The following SEC14L1 variants were observed in gnomAD, a reference collection of about 807,000 sequenced individuals.
SEC14L1 encodes the protein SEC14 like lipid binding 1, also known as SEC14-like protein 1.
Under a neutral mutation model 85.3 loss-of-function variants are expected in SEC14L1, and 48 were observed. That is an observed-to-expected ratio of 0.56 (90% CI 0.45 to 0.72). The LOEUF (loss-of-function observed/expected upper bound fraction) is 0.72. Ranked by LOEUF, SEC14L1 falls within the 30% of genes least tolerant of loss-of-function variation. SEC14L1 has a pLI of 0.00. For synonymous variants in SEC14L1, 391 were observed against 355.5 expected (o/e 1.10, Z -1.12); for missense variants, 682 against 921.4 (o/e 0.74, Z 3.36).
intron 3 of SEC14L1, among the ~76,000 whole-genome samples, chr17:77,135,717 G>T (rs1026193429): frequency 4.0e-5 from 6 of 151,800 alleles, no homozygotes; most frequent in South Asian, 4.2e-4. Context: ...TTTAAAAATT[G>T]TTTGTAGAGA....
At chr17:77,124,296 C>T (rs970190601) in intron 3 of SEC14L1, among the ~76,000 whole-genome samples, 3 of 152,126 alleles carry the variant, frequency 2.0e-5, no homozygotes, top group African/African-American at 7.2e-5. Flanking sequence ...CCCAGGAGGT[C>T]GCGTCTGCAG....
chr17:77,146,024 T>G (rs1367147642), intron 3 of SEC14L1, among the ~76,000 whole-genome samples: 1 of 152,216 alleles, frequency 6.6e-6, no homozygotes, highest in East Asian at 1.9e-4. Context: ...CCTGTCACAT[T>G]TCATAGTTCA....
rs959864756 is a variant in SEC14L1 at position 77,216,707 on chromosome 17, A to G, written c.*2684A>G. 46 of 1,449,190 alleles carry G rather than the reference A, an allele frequency of 3.2e-5. No individual in the cohort carries two copies. The highest frequency in any genetic ancestry group is 4.4e-5 in the Non-Finnish European group (46 of 1,048,088). 89.8% of individuals were successfully genotyped at this position (1,449,190 alleles called of 1,614,324 possible). On this transcript the variant is annotated 3_prime_UTR_variant, in exon 17 of 17. Coordinates refer to ENST00000436233, the MANE Select transcript of SEC14L1 (RefSeq NM_001143998.2). The stretch of plus-strand genomic sequence containing the variant: ...GTTGATTCGGGAGTGGCATTCTTTT[A>G]TACCCAAAGACTGTAGTGCATCTTG...
chr17:77,142,874 AG>A (rs1312801099), intron 2 of SEC14L1, 124 bp downstream of exon 2: 1 of 152,244 alleles, frequency 6.6e-6, no homozygotes, highest in Admixed American at 6.5e-5. Context: ...ACCCATAAGG[AG>A]GGCTCCTTGA....
At chr17:77,141,507 G>C (rs1973042333) in intron 1 of SEC14L1, 1 of 151,906 alleles carries the variant, frequency 6.6e-6, no homozygotes, top group African/African-American at 2.4e-5. Context: ...CCCGGGCGCC[G>C]GCCGCCCCTC....
rs12942219 is a variant in SEC14L1 at position 77,215,526 on chromosome 17, G to C, written c.*1503G>C. 1.0e-6 allele frequency: 1 copy of C among 986,228 alleles called. No individual in the cohort carries two copies. 61.1% of individuals were successfully genotyped at this position (986,228 alleles called of 1,614,324 possible). Reference sequence around the variant, plus strand: ...GTGGAGGCCATGTGTGCCCCGTGCAGGGATCAGGAGGGCGGGGGAGGGACC... The same window carrying C: ...GTGGAGGCCATGTGTGCCCCGTGCACGGATCAGGAGGGCGGGGGAGGGACC... On this transcript the variant is annotated 3_prime_UTR_variant, in exon 17 of 17. Transcript: ENST00000436233.
intron 3 of SEC14L1, among the ~76,000 whole-genome samples, chr17:77,103,428 GTTGTTGTTTTTTTT>G (rs1348050060): frequency 2.7e-5 from 4 of 150,148 alleles, no homozygotes; most frequent in East Asian, 3.9e-4. Context: ...TTTCTTTTTT[GTTGTTGTTTTTTTT>G]TTGTTGTTGT....
At chr17:77,161,077 G>T (rs1198161981) in intron 3 of SEC14L1, among the ~76,000 whole-genome samples, 1 of 152,120 alleles carries the variant, frequency 6.6e-6, no homozygotes, top group Non-Finnish European at 1.5e-5. Context: ...AGGGGAAATT[G>T]GTCTTCAACA....
chr17:77,181,960 A>C (rs979933410), intron 3 of SEC14L1, among the ~76,000 whole-genome samples: 2 of 151,824 alleles, frequency 1.3e-5, no homozygotes, highest in African/African-American at 4.8e-5. Context: ...TGATATGTTG[A>C]ATACTTGTTT....
chr17:77,169,645 G>A (rs1291975281), intron 3 of SEC14L1, among the ~76,000 whole-genome samples: 1 of 152,190 alleles, frequency 6.6e-6, no homozygotes, highest in Non-Finnish European at 1.5e-5. Flanking sequence ...TCGTCATGGG[G>A]TATGGAAAGA....
chr17:77,115,920 T>G (rs184911097), intron 3 of SEC14L1, among the ~76,000 whole-genome samples: 2,531 of 151,906 alleles, frequency 0.017, 73 homozygotes, highest in African/African-American at 0.058. Flanking sequence ...ACTCTCCTTT[T>G]TTTTTTTTTT....
At chr17:77,147,253 C>G (rs553911756) in intron 3 of SEC14L1, among the ~76,000 whole-genome samples, 1 of 151,942 alleles carries the variant, frequency 6.6e-6, no homozygotes, top group Non-Finnish European at 1.5e-5. Context: ...TTAGTATTGC[C>G]GGAAAATTGT....
chr17:77,198,161 A>G (rs917401425), intron 8 of SEC14L1, among the ~76,000 whole-genome samples: 5 of 152,248 alleles, frequency 3.3e-5, no homozygotes, highest in African/African-American at 1.2e-4. Flanking sequence ...TTAGATTGGC[A>G]TAGTTAAGGC....
chr17:77,204,764 A>G (rs138161718), intron 10 of SEC14L1, among the ~76,000 whole-genome samples: 1,756 of 152,122 alleles, frequency 0.012, 31 homozygotes, highest in African/African-American at 0.04. Flanking sequence ...CCCCACCGCT[A>G]TGTGTGTTTA....
intron 3 of SEC14L1, among the ~76,000 whole-genome samples, chr17:77,187,172 A>G (rs1014050185): frequency 7.9e-5 from 12 of 152,154 alleles, no homozygotes; most frequent in African/African-American, 2.9e-4. Context: ...AAAAATTCTG[A>G]AATCAGAAGC....
At chr17:77,140,862 C>G (rs1260468698), upstream of SEC14L1, 1 of 151,814 alleles carries the variant, frequency 6.6e-6, no homozygotes, top group Non-Finnish European at 1.5e-5. Context: ...GCTCCCGCCC[C>G]CGCTCCCTCG....
chr17:77,165,401 A>G (rs1974239460), intron 3 of SEC14L1, among the ~76,000 whole-genome samples: 1 of 152,130 alleles, frequency 6.6e-6, no homozygotes, highest in Non-Finnish European at 1.5e-5. Flanking sequence ...AGTATATGTA[A>G]GATGTACATT....
At chr17:77,165,163 A>G (rs1207259784) in intron 3 of SEC14L1, among the ~76,000 whole-genome samples, 1 of 152,202 alleles carries the variant, frequency 6.6e-6, no homozygotes, top group Non-Finnish European at 1.5e-5. Flanking sequence ...TCAACCGAAT[A>G]TAGTATACGT....
At chr17:77,180,058 GTTATGTTATGTT>G in intron 3 of SEC14L1, among the ~76,000 whole-genome samples, 1 of 123,302 alleles carries the variant, frequency 8.1e-6, no homozygotes, top group Admixed American at 8.9e-5. Context: ...GTTATGTTAT[GTTATGTTATGTT>G]ATGTTATGTT....
Sources: gnomAD v4.1 joint callset for allele counts (sites outside exome capture counted in the v4.1 genomes callset) on GRCh38, gnomAD v4.1.1 for gene constraint, MANE v1.5 for transcripts, NCBI Gene and HGNC (gene_info 2026-07-23, HGNC 2026-07-21) for gene names.